Variants in POSTN observed in about 807,000 individuals in gnomAD.
POSTN encodes osteoblast specific factor 2 (fasciclin I-like).
In POSTN, 71 loss-of-function variants were observed where a neutral mutation model predicts 104.5. The ratio of observed to expected loss-of-function variants is 0.68; its 90% CI spans 0.56 to 0.83. The LOEUF is 0.83. POSTN is among the 40% of genes least tolerant of loss of function. POSTN has a pLI of 0.00. For synonymous variants in POSTN, 355 were observed against 340.7 expected (o/e 1.04, Z -0.46); for missense variants, 949 against 1,006.8 (o/e 0.94, Z 0.78).
chr13:37,570,952 A>T (rs982693210), intron 18 of POSTN: 22 of 338,692 alleles, frequency 6.5e-5, no homozygotes, highest in Non-Finnish European at 9.8e-5. Context: ...GTGAGAATCC[A>T]GGGAGTTCTA....
chr13:37,579,362 AG>A lies in POSTN; in HGVS notation c.1661-4del. The stretch of plus-strand genomic sequence containing the variant: ...GTTTTGAAGAGCATTTTTGTCCCCT[AG>A]GGGAAAATATATGTTTATTTTTATT... On this transcript the variant is annotated splice_polypyrimidine_tract_variant and splice_region_variant and intron_variant, in intron 12 of 22. Coordinates refer to ENST00000379747, the MANE Select transcript of POSTN (RefSeq NM_006475.3). The A allele has an allele frequency of 6.4e-7, 1 of 1,559,816 alleles. No homozygotes were observed. The highest frequency in any genetic ancestry group is 8.8e-7 in the Non-Finnish European group (1 of 1,134,352).
At position 37,586,155 on chromosome 13, in the gene POSTN, G is replaced by T. The variant is rs146380604; in HGVS notation, c.879C>A (p.Asp293Glu). ...PRGVLERIMGDKVASEALMKY... is the reference protein window; with the variant it reads ...PRGVLERIMGEKVASEALMKY... ...TTAAACTACCTTCGGAAGCCACTTTGTCTCCCATGATCCTTTCTAGGACAC... is the reference window on the plus strand; with the variant it reads ...TTAAACTACCTTCGGAAGCCACTTTTTCTCCCATGATCCTTTCTAGGACAC... Residue 293 changes from aspartate (D) to glutamate (E), a missense_variant, in exon 7 of 23, where the codon GAC becomes GAA. Physicochemically the swap from Asp to Glu is conservative, Grantham distance 45 (BLOSUM62 2). Transcript: ENST00000379747. 4.8e-4 allele frequency: 779 copies of T among 1,610,542 alleles called. 1 individual carries two copies. The highest frequency in any genetic ancestry group is 6.0e-4 in the Non-Finnish European group (712 of 1,177,962).
In POSTN at chr13:37,592,139, C is replaced by T; in HGVS notation, c.244G>A (p.Gly82Ser). The T allele has an allele frequency of 1.2e-6, 2 of 1,606,340 alleles. No individual in the cohort carries two copies. Among genetic ancestry groups the T allele is most frequent in the Non-Finnish European group, 8.5e-7 (1 of 1,173,312 alleles). The change falls in exon 3 of 23, where the codon GGT (glycine) becomes AGT (serine). Residue 82 changes from glycine (G) to serine (S), a missense_variant. Physicochemically the swap from Gly to Ser is moderately conservative, Grantham distance 56 (BLOSUM62 0). Transcript: ENST00000379747. ...TTCATTCCTTCCATTCTCATATAACCAGGGCAACATTCATATAACACAGTC... is the reference window on the plus strand; with the variant it reads ...TTCATTCCTTCCATTCTCATATAACTAGGGCAACATTCATATAACACAGTC... ...KTTVLYECCP[G>S]YMRMEGMKGC...
At chr13:37,582,617 T>G in intron 9 of POSTN, 103 bp from the exon 10 acceptor site, 1 of 1,120,972 alleles carries the variant, frequency 8.9e-7, no homozygotes, top group Non-Finnish European at 1.2e-6. Flanking sequence ...CTGACATTAT[T>G]GATATCATGG....
At chr13:37,569,553 G>T in intron 20 of POSTN, 170 bp from the exon 21 acceptor site, 1 of 802,740 alleles carries the variant, frequency 1.2e-6, no homozygotes, top group Non-Finnish European at 2.1e-6. Flanking sequence ...TTATAAAGTT[G>T]TTGAACAAAA....
At chr13:37,592,541 G>C (rs1215771922) in intron 2 of POSTN, among the ~76,000 whole-genome samples, 1 of 152,066 alleles carries the variant, frequency 6.6e-6, no homozygotes, top group Non-Finnish European at 1.5e-5. Flanking sequence ...CTCATGATCC[G>C]CCCACCTGGG....
chr13:37,581,228 A>G (rs762006675), intron 10 of POSTN, among the ~76,000 whole-genome samples: 5 of 152,210 alleles, frequency 3.3e-5, no homozygotes, highest in Admixed American at 6.5e-5. Context: ...AGCACATTTA[A>G]TGCATACTTA....
At chr13:37,584,990 A>G (rs1950703589) in intron 7 of POSTN, 62 bp from the exon 8 acceptor site, 1 of 1,587,810 alleles carries the variant, frequency 6.3e-7, no homozygotes, top group Non-Finnish European at 8.6e-7. Context: ...TGACCCTGAA[A>G]AGATGTGTTT....
At chr13:37,566,037 A>G (rs75972397) in intron 21 of POSTN, among the ~76,000 whole-genome samples, 4,562 of 152,230 alleles carry the variant, frequency 0.03, 213 homozygotes, top group African/African-American at 0.1. Context: ...TTCCTTTCAT[A>G]ATTTTGATAG....
intron 1 of POSTN, 110 bp downstream of exon 1, chr13:37,598,498 A>G (rs1322642130): frequency 1.1e-6 from 1 of 944,968 alleles, no homozygotes; most frequent in Non-Finnish European, 1.6e-6. Flanking sequence ...ACTTTATAAT[A>G]ATTAGGAAAA....
chr13:37,576,155 A>C (rs1397655749), intron 16 of POSTN, among the ~76,000 whole-genome samples: 1 of 152,166 alleles, frequency 6.6e-6, no homozygotes, highest in Non-Finnish European at 1.5e-5. Context: ...TACCAAAAAC[A>C]GCATCCTTCC....
chr13:37,595,579 A>G (rs1951060929), intron 2 of POSTN, among the ~76,000 whole-genome samples: 1 of 152,122 alleles, frequency 6.6e-6, no homozygotes, highest in African/African-American at 2.4e-5. Flanking sequence ...AAATAAAGAC[A>G]ATCTTGTGCA....
Position 37,584,824 on chromosome 13 carries a change from C to T in POSTN, c.1000G>A (p.Asp334Asn). Residue 334 changes from aspartate (D) to asparagine (N), a missense_variant, in exon 8 of 23, where the codon GAC becomes AAC. Physicochemically the swap from Asp to Asn is conservative, Grantham distance 23. Coordinates refer to ENST00000379747, the MANE Select transcript of POSTN (RefSeq NM_006475.3). ...LEGNTIEIGC[D>N]GDSITVNGIK... ...CCATTTACTGTTATACTGTCACCGT[C>T]ACATCCTATCTCAATTGTATTTCCT... The T allele has an allele frequency of 1.2e-6, 2 of 1,613,926 alleles. No homozygotes were observed. Among genetic ancestry groups the T allele is most frequent in the Non-Finnish European group, 1.7e-6 (2 of 1,179,908 alleles).
chr13:37,578,562 C>A (rs1342364909), intron 15 of POSTN, among the ~76,000 whole-genome samples: 1 of 152,022 alleles, frequency 6.6e-6, no homozygotes, highest in Non-Finnish European at 1.5e-5. Flanking sequence ...CTTTAGGAGG[C>A]TGAGGCGGGT....
intron 21 of POSTN, 66 bp from the exon 22 acceptor site, chr13:37,564,626 G>A: frequency 1.1e-6 from 1 of 904,058 alleles, no homozygotes; most frequent in South Asian, 1.3e-5. Context: ...AGGAGACCAT[G>A]GTTAAACAGA....
chr13:37,585,455 G>T (rs532417526), intron 7 of POSTN, among the ~76,000 whole-genome samples: 11 of 152,178 alleles, frequency 7.2e-5, no homozygotes, highest in Non-Finnish European at 1.5e-4. Context: ...GCTCATAGCA[G>T]AATATTTGTA....
intron 2 of POSTN, among the ~76,000 whole-genome samples, chr13:37,593,839 C>T (rs1479151687): frequency 4.6e-5 from 7 of 151,536 alleles, no homozygotes; most frequent in Non-Finnish European, 7.4e-5. Flanking sequence ...TCAAATTGAA[C>T]CCTGCTACAC....
At chr13:37,574,429 A>T in intron 17 of POSTN, 143 bp downstream of exon 17, 2 of 1,153,474 alleles carry the variant, frequency 1.7e-6, no homozygotes, top group Admixed American at 3.9e-5. Flanking sequence ...TTCTGCAATT[A>T]CATGAGCATG....
At chr13:37,571,581 T>C (rs1244014003) in intron 17 of POSTN, 123 bp from the exon 18 acceptor site, 5 of 631,178 alleles carry the variant, frequency 7.9e-6, no homozygotes, top group Non-Finnish European at 1.3e-5. Context: ...TTTCAGGCTC[T>C]ATGAAATCAC....
Sources: allele counts gnomAD v4.1 joint callset (sites outside exome capture counted in the v4.1 genomes callset), GRCh38; gene constraint gnomAD v4.1.1; transcripts MANE v1.5; gene names NCBI Gene and HGNC (gene_info 2026-07-23, HGNC 2026-07-21).